Variants in MPPED2 observed in about 807,000 individuals in gnomAD.
MPPED2 encodes metallophosphoesterase domain containing 2.
MPPED2 carries 5 observed loss-of-function variants against 33.0 expected under a neutral mutation model. The ratio of observed to expected loss-of-function variants is 0.15; its 90% CI spans 0.08 to 0.32. The LOEUF (loss-of-function observed/expected upper bound fraction) is 0.32, where lower values mean the gene tolerates loss of function less well. Ranked by LOEUF, MPPED2 falls within the 10% of genes least tolerant of loss-of-function variation. The pLI, the probability that MPPED2 is intolerant of heterozygous loss-of-function variation, is 1.00. For missense variants in MPPED2, 275 were observed against 372.1 expected (o/e 0.74, Z 2.15); for synonymous variants, 136 against 141.9 (o/e 0.96, Z 0.29).
At chr11:30,392,676 G>A (rs1487960585) in intron 6 of MPPED2, among the ~76,000 whole-genome samples, 1 of 152,192 alleles carries the variant, frequency 6.6e-6, no homozygotes, top group Non-Finnish European at 1.5e-5. Flanking sequence ...TTCTTAAAGG[G>A]GACGGGTTCC....
intron 3 of MPPED2, among the ~76,000 whole-genome samples, chr11:30,503,287 C>T (rs1463199857): frequency 7.2e-5 from 11 of 152,124 alleles, no homozygotes; most frequent in Admixed American, 7.2e-4. Context: ...CCTACCCAGC[C>T]TTGCTGAACT....
intron 4 of MPPED2, chr11:30,469,102 C>T (rs1348216805): frequency 6.6e-6 from 1 of 152,188 alleles, no homozygotes; most frequent in South Asian, 2.1e-4. Context: ...TTACAATGCC[C>T]TTACCGCCAA....
intron 4 of MPPED2, among the ~76,000 whole-genome samples, chr11:30,465,756 G>A (rs1024836982): frequency 6.6e-6 from 1 of 152,208 alleles, no homozygotes; most frequent in Non-Finnish European, 1.5e-5. Context: ...AACTGTGTGG[G>A]TCCACTTATA....
At chr11:30,407,481 A>T (rs568477824), downstream of MPPED2, among the ~76,000 whole-genome samples, 28 of 152,338 alleles carry the variant, frequency 1.8e-4, 1 homozygote, top group South Asian at 5.8e-3. Context: ...TCCTATCCTT[A>T]TGAAGAGAGG....
intron 4 of MPPED2, among the ~76,000 whole-genome samples, chr11:30,452,251 C>G (rs1950093934): frequency 6.6e-6 from 1 of 152,216 alleles, no homozygotes; most frequent in East Asian, 1.9e-4. Context: ...CCCCTTTCAC[C>G]TCAGTCACCT....
At chr11:30,454,155 A>C (rs562820947) in intron 4 of MPPED2, among the ~76,000 whole-genome samples, 2 of 152,348 alleles carry the variant, frequency 1.3e-5, no homozygotes. Context: ...AGGAATCTGC[A>C]CCTTAATCCT....
At chr11:30,478,302 C>T (rs1417463692) in intron 4 of MPPED2, among the ~76,000 whole-genome samples, 3 of 151,782 alleles carry the variant, frequency 2.0e-5, no homozygotes, top group Admixed American at 6.6e-5. Context: ...GTATTAAGTT[C>T]GAAACCAATA....
chr11:30,438,381 A>G (rs1468012418), intron 4 of MPPED2, among the ~76,000 whole-genome samples: 1 of 152,214 alleles, frequency 6.6e-6, no homozygotes, highest in Non-Finnish European at 1.5e-5. Context: ...CAAATTACCT[A>G]TGAAGAATAG....
intron 5 of MPPED2, among the ~76,000 whole-genome samples, chr11:30,417,031 A>G (rs1312359504): frequency 6.6e-6 from 1 of 152,168 alleles, no homozygotes; most frequent in Non-Finnish European, 1.5e-5. Flanking sequence ...CAGCTTATAA[A>G]AAGGATTCTT....
intron 4 of MPPED2, among the ~76,000 whole-genome samples, chr11:30,445,831 G>C (rs969328901): frequency 6.6e-6 from 1 of 152,184 alleles, no homozygotes; most frequent in Non-Finnish European, 1.5e-5. Flanking sequence ...AGGTATCTAT[G>C]TTTTGTTTAT....
chr11:30,586,960 T>A (rs139306102), upstream of MPPED2: 111 of 151,910 alleles, frequency 7.3e-4, no homozygotes, highest in South Asian at 6.3e-3. This position sits in a 1 kb window ranked among gnomAD's most constrained non-coding sequence, Gnocchi z 4.8. Context: ...GCTCACTCAC[T>A]CACTCACACA....
chr11:30,433,182 T>C (rs532794028), intron 4 of MPPED2, among the ~76,000 whole-genome samples: 3 of 152,282 alleles, frequency 2.0e-5, no homozygotes, highest in African/African-American at 7.2e-5. Context: ...TCAGAAAGGG[T>C]TCTATGGTTA....
At chr11:30,580,724 A>G (rs539740429) in intron 1 of MPPED2, among the ~76,000 whole-genome samples, 14 of 152,292 alleles carry the variant, frequency 9.2e-5, no homozygotes, top group African/African-American at 3.1e-4. Flanking sequence ...TGGAGTTCAA[A>G]CTAAGATTTC....
chr11:30,435,910 T>C (rs928673416), intron 4 of MPPED2, among the ~76,000 whole-genome samples: 16 of 152,134 alleles, frequency 1.1e-4, no homozygotes, highest in African/African-American at 3.9e-4. Flanking sequence ...GAAAACATGC[T>C]CAGCATAGCA....
At chr11:30,461,300 GT>G (rs1950509720) in intron 4 of MPPED2, among the ~76,000 whole-genome samples, 1 of 152,142 alleles carries the variant, frequency 6.6e-6, no homozygotes, top group African/African-American at 2.4e-5. Flanking sequence ...GGTGGTGATG[GT>G]TGCACAACAA....
intron 4 of MPPED2, among the ~76,000 whole-genome samples, chr11:30,455,211 C>G (rs983013422): frequency 1.3e-5 from 2 of 152,188 alleles, no homozygotes; most frequent in African/African-American, 4.8e-5. Context: ...TGAGCAAAAA[C>G]CAACCCTGGC....
rs896896203 is a variant in MPPED2, at chr11:30,457,546, T to G, written c.536+37750A>C. 2.6e-5 allele frequency among the ~76,000 whole-genome samples: 4 copies of G among 152,360 alleles called. No homozygotes were observed. The East Asian group carries it at 7.7e-4, about 29-fold the overall frequency. ...AACAAGTAAAGAAAGATCCATGAGCTGGTATTTACTTGGTGCCCATTAAAT... is the reference window on the plus strand; with the variant it reads ...AACAAGTAAAGAAAGATCCATGAGCGGGTATTTACTTGGTGCCCATTAAAT... On this transcript the variant is annotated intron_variant, in intron 4 of 6. Coordinates refer to ENST00000358117, the MANE Select transcript of MPPED2 (RefSeq NM_001584.3).
At chr11:30,546,760 G>A (rs1028709643) in intron 2 of MPPED2, among the ~76,000 whole-genome samples, 2 of 152,178 alleles carry the variant, frequency 1.3e-5, no homozygotes, top group Non-Finnish European at 2.9e-5. Flanking sequence ...CATCATTTAT[G>A]TGAGTTTGAA....
In MPPED2 at chr11:30,581,773, C is replaced by G. The variant is rs142749608; in HGVS notation, c.-121-1279G>C. Among the ~76,000 whole-genome samples, 133 of 152,294 alleles carry G rather than the reference C, an allele frequency of 8.7e-4. 1 individual carries two copies. Among genetic ancestry groups the G allele is most frequent in the Non-Finnish European group, 1.1e-3 (77 of 68,022 alleles). On this transcript the variant is annotated intron_variant, in intron 1 of 6. Transcript: ENST00000358117. ...CTAAGAAATTCCAGAGTGTTCTACT[C>G]AAATCATTGCCTTCTTCATATTAGC...
Sources: allele counts gnomAD v4.1 joint callset (sites outside exome capture counted in the v4.1 genomes callset), GRCh38; gene constraint gnomAD v4.1.1; non-coding constraint Gnocchi (gnomAD v3.1); transcripts MANE v1.5; gene names NCBI Gene and HGNC (gene_info 2026-07-23, HGNC 2026-07-21).